The following PLA2G4F variants were observed in gnomAD, a reference collection of about 807,000 sequenced individuals.
The protein encoded by PLA2G4F is cytosolic phospholipase A2 zeta.
A neutral mutation model predicts 103.1 loss-of-function variants in PLA2G4F; 105 were observed. That is an observed-to-expected ratio of 1.02 (90% CI 0.87 to 1.20). The LOEUF is 1.20. Ranked by LOEUF, PLA2G4F falls within the 50% of genes most tolerant of loss-of-function variation. PLA2G4F has a pLI of 0.00. For synonymous variants in PLA2G4F, 468 were observed against 441.1 expected, an observed-to-expected ratio of 1.06 and a Z score of -0.76; for missense variants, 1,155 against 1,075.9, an observed-to-expected ratio of 1.07 and a Z score of -1.03.
rs763324735 is a variant in PLA2G4F, at chr15:42,145,761, C to T, written c.1672+5G>A. ...CCTGTCCCCAGCCCTCCAGCCTCGACTCACCTTGCAGGTAACAGATCCGGG... is the reference window on the plus strand; with the variant it reads ...CCTGTCCCCAGCCCTCCAGCCTCGATTCACCTTGCAGGTAACAGATCCGGG... On this transcript the variant is annotated splice_donor_5th_base_variant and intron_variant, in intron 15 of 19. Transcript: ENST00000397272. 2 of 1,614,102 alleles carry T rather than the reference C, an allele frequency of 1.2e-6. No homozygotes were observed. Among genetic ancestry groups the T allele is most frequent in the Non-Finnish European group, 1.7e-6 (2 of 1,180,014 alleles).
In PLA2G4F at chr15:42,150,692, G is replaced by A. The variant is rs201683192; in HGVS notation, c.687C>T (p.Leu229=). Residue 229 remains leucine (L), a synonymous_variant, in exon 8 of 20, where the codon CTC becomes CTT. Coordinates refer to ENST00000397272, the MANE Select transcript of PLA2G4F (RefSeq NM_213600.4). ...TCACGTGGAAGGTAAAGGTGGGTGG[G>A]AGGCCTGGCTCTGTGGGAGGCTGCA... ...LPLQPPTEPG[L]PPTFTFHVNP... The A allele has an allele frequency of 6.2e-7, 1 of 1,613,766 alleles. No homozygotes were observed. Among genetic ancestry groups the A allele is most frequent in the South Asian group, 1.1e-5 (1 of 90,932 alleles).
rs754750254 is a variant in PLA2G4F, at chr15:42,150,348, C to T, written c.885+25G>A. On this transcript the variant is annotated intron_variant, in intron 9 of 19. Coordinates refer to ENST00000397272, the MANE Select transcript of PLA2G4F (RefSeq NM_213600.4). ...GGTCACAGAGAGCAGGCAGGGGTCC[C>T]TCTGGCACCCAGACAGAGCCTTACC... is the stretch of plus-strand genomic sequence containing the variant. 26 of 1,587,084 alleles carry T rather than the reference C, an allele frequency of 1.6e-5. No individual in the cohort carries two copies. The Middle Eastern group carries it at 5.0e-4, about 31-fold the overall frequency.
intron 14 of PLA2G4F, 49 bp downstream of exon 14, chr15:42,146,078 C>T (rs752623713): frequency 1.2e-6 from 2 of 1,603,206 alleles, no homozygotes; most frequent in South Asian, 2.2e-5. Flanking sequence ...CTCTCACCTC[C>T]TCCTCCCCAC....
intron 4 of PLA2G4F, 83 bp from the exon 5 acceptor site, chr15:42,153,743 C>T: frequency 6.7e-7 from 1 of 1,489,534 alleles, no homozygotes; most frequent in Admixed American, 1.8e-5. Flanking sequence ...CCCTGCTTGG[C>T]TCCAGGGGCT....
rs535195853 is a variant in PLA2G4F at position 42,148,636 on chromosome 15, A to C, written c.1060-874T>G. 5 of 985,376 alleles carry C rather than the reference A, an allele frequency of 5.1e-6. No individual in the cohort carries two copies. In the East Asian group the frequency reaches 5.7e-4, roughly 112 times the overall value. 61.0% of individuals were successfully genotyped at this position (985,376 alleles called of 1,614,324 possible). A position where few individuals can be genotyped will look rare whatever the true frequency, so the allele number is the denominator to read the frequency against. ...TCCCCCGTTGAGCACCACCGAGCTA[A>C]AGTGACAAAGGCCAGCAAGCAGCCT... On this transcript the variant is annotated intron_variant, in intron 11 of 19. Transcript: ENST00000397272.
chr15:42,156,299 G>T, intron 1 of PLA2G4F, 140 bp downstream of exon 1: 1 of 617,240 alleles, frequency 1.6e-6, no homozygotes, highest in Non-Finnish European at 2.8e-6. Context: ...TCTAATTTAA[G>T]CTCTGCCAGG....
At position 42,147,839 on chromosome 15, in the gene PLA2G4F, A is replaced by G. The variant is rs149298459; in HGVS notation, c.1060-77T>C. 6.8e-5 allele frequency: 106 copies of G among 1,568,448 alleles called. No homozygotes were observed. The African/African-American group carries it at 1.3e-3, about 20-fold the overall frequency. Reference sequence around the variant, plus strand: ...GTATTACTGCCTATACATGTAGGACATTATTCTAAGAGTCTTACACGTATT... The same window carrying G: ...GTATTACTGCCTATACATGTAGGACGTTATTCTAAGAGTCTTACACGTATT... On this transcript the variant is annotated intron_variant, in intron 11 of 19. Transcript: ENST00000397272.
At chr15:42,151,249 G>A in intron 7 of PLA2G4F, 7 of 985,416 alleles carry the variant, frequency 7.1e-6, no homozygotes, top group Non-Finnish European at 8.4e-6. Context: ...AGAACGTTGG[G>A]AGAGGAAGGT....
rs2048823937 is a variant in PLA2G4F, at chr15:42,141,152, G to A, written c.*832C>T. ...ACACCCTCCTGCCCCACATACAGGT[G>A]CACACCTCTCCCCCGATGAACTGAT... is the stretch of plus-strand genomic sequence containing the variant. On this transcript the variant is annotated 3_prime_UTR_variant, in exon 20 of 20. Transcript: ENST00000397272. The A allele has an allele frequency of 6.8e-6, 3 of 441,608 alleles. No homozygotes were observed. The highest frequency in any genetic ancestry group is 4.8e-5 in the South Asian group (3 of 62,056). The allele number at this position is 441,608 out of a possible 1,614,324, so 27.4% of individuals were successfully genotyped here. A position where few individuals can be genotyped will look rare whatever the true frequency, so the allele number is the denominator to read the frequency against.
chr15:42,150,357 C>T lies in PLA2G4F; in HGVS notation c.885+16G>A. 1 of 1,593,966 alleles carries T rather than the reference C, an allele frequency of 6.3e-7. No homozygotes were observed. Among genetic ancestry groups the T allele is most frequent in the East Asian group, 2.2e-5 (1 of 44,508 alleles). On this transcript the variant is annotated intron_variant, in intron 9 of 19. Coordinates refer to ENST00000397272, the MANE Select transcript of PLA2G4F (RefSeq NM_213600.4). ...GAGCAGGCAGGGGTCCCTCTGGCAC[C>T]CAGACAGAGCCTTACCTCCCCCAGG...
In PLA2G4F at chr15:42,142,730, C is replaced by A. The variant is rs1379088761; in HGVS notation, c.2143-16G>T. The A allele has an allele frequency of 3.7e-6, 6 of 1,613,416 alleles. No homozygotes were observed. Among genetic ancestry groups the A allele is most frequent in the Admixed American group, 1.7e-5 (1 of 59,976 alleles). On this transcript the variant is annotated splice_polypyrimidine_tract_variant and intron_variant, in intron 18 of 19. Transcript: ENST00000397272. ...TCTTCAAGACCTGAGCAGGAGCAAG[C>A]CTCTGACTCTGCCTTTCCTCCACCC...
Position 42,145,632 on chromosome 15 carries a change from T to C in PLA2G4F, c.1723A>G (p.Thr575Ala), listed in dbSNP as rs1428251701. 6.2e-7 allele frequency: 1 copy of C among 1,613,838 alleles called. No homozygotes were observed. Among genetic ancestry groups the C allele is most frequent in the African/African-American group, 1.3e-5 (1 of 74,832 alleles). ...AGGAAGCTGAGGCCCGAGCCGGCGG[T>C]CTTTAGGAAGATCTCATCCAGGCTG... ...ATSLDEIFLK[T>A]AGSGLSFLEW... The change falls in exon 16 of 20, where the codon ACC becomes GCC. Residue 575 changes from threonine (T) to alanine (A), a missense_variant. Physicochemically the swap from Thr to Ala is moderately conservative, Grantham distance 58. Around this residue, in one of 3 missense-constraint regions of PLA2G4F, gnomAD observed 782 missense variants for 692.9 expected, o/e 1.13. Coordinates refer to ENST00000397272, the MANE Select transcript of PLA2G4F (RefSeq NM_213600.4).
intron 11 of PLA2G4F, chr15:42,149,054 C>T (rs978557235): frequency 2.7e-4 from 264 of 985,242 alleles, no homozygotes; most frequent in Non-Finnish European, 3.1e-4. Context: ...TCTCTCAGCA[C>T]GCCTTTCCTC....
At position 42,140,805 on chromosome 15, in the gene PLA2G4F, G is replaced by A. The variant is rs1449955315; in HGVS notation, c.*1179C>T. ...CCAAGAGGGAGCCCCTGGGACAGGG[G>A]GCAGAAGGAACAAGGTCTCAAGTGC... is the stretch of plus-strand genomic sequence containing the variant. On this transcript the variant is annotated 3_prime_UTR_variant, in exon 20 of 20. Transcript: ENST00000397272. 1 of 169,176 alleles carries A rather than the reference G, an allele frequency of 5.9e-6. No individual in the cohort carries two copies. The highest frequency in any genetic ancestry group is 1.3e-5 in the Non-Finnish European group (1 of 77,566). 10.5% of individuals were successfully genotyped at this position (169,176 alleles called of 1,614,324 possible). A position where few individuals can be genotyped will look rare whatever the true frequency, so the allele number is the denominator to read the frequency against.
intron 19 of PLA2G4F, 139 bp from the exon 20 acceptor site, chr15:42,142,343 AC>A: frequency 2.6e-6 from 3 of 1,149,228 alleles, no homozygotes; most frequent in Non-Finnish European, 3.6e-6. Flanking sequence ...CAGCTCTCAG[AC>A]CCCCCAGGAG....
rs776476819 is a variant in PLA2G4F, at chr15:42,147,119, C to T, written c.1419+5G>A. 6.2e-7 allele frequency: 1 copy of T among 1,610,972 alleles called. No homozygotes were observed. The highest frequency in any genetic ancestry group is 8.5e-7 in the Non-Finnish European group (1 of 1,179,036). On this transcript the variant is annotated splice_donor_5th_base_variant and intron_variant, in intron 13 of 19. Coordinates refer to ENST00000397272, the MANE Select transcript of PLA2G4F (RefSeq NM_213600.4). Reference sequence around the variant, plus strand: ...CTACGTATTTCCTTCTGGCTCTTCTCTCACCTCCTGGTACAGGAGATACTC... The same window carrying T: ...CTACGTATTTCCTTCTGGCTCTTCTTTCACCTCCTGGTACAGGAGATACTC...
Position 42,141,936 on chromosome 15 carries a change from T to C in PLA2G4F, c.*48A>G, listed in dbSNP as rs2048829659. On this transcript the variant is annotated 3_prime_UTR_variant, in exon 20 of 20. Coordinates refer to ENST00000397272, the MANE Select transcript of PLA2G4F (RefSeq NM_213600.4). ...CTCCTCCCTCTACAAGCCCTGACCA[T>C]GAGCAGTGTGTCTCCTCTCTGTCAC... 1 of 1,545,742 alleles carries C rather than the reference T, an allele frequency of 6.5e-7. No homozygotes were observed. The highest frequency in any genetic ancestry group is 1.1e-5 in the South Asian group (1 of 87,594).
At position 42,144,650 on chromosome 15, in the gene PLA2G4F, C is replaced by T. The variant is rs1356540801; in HGVS notation, c.1781-6G>A. On this transcript the variant is annotated splice_region_variant and splice_polypyrimidine_tract_variant and intron_variant, in intron 16 of 19. Transcript: ENST00000397272. ...CTGAGGCTTCTGGCAGTCGTCTAGA[C>T]AGGGGCGGGACAGTGAAATAGAGGG... is the stretch of plus-strand genomic sequence containing the variant. 16 of 1,583,180 alleles carry T rather than the reference C, an allele frequency of 1.0e-5. No individual in the cohort carries two copies. In the East Asian group the frequency reaches 2.9e-4, roughly 29 times the overall value.
chr15:42,142,789 C>A, intron 18 of PLA2G4F, 75 bp from the exon 19 acceptor site: 1 of 1,484,782 alleles, frequency 6.7e-7, no homozygotes, highest in Non-Finnish European at 9.3e-7. Flanking sequence ...TCACACACGC[C>A]CAGGCTTCAA....
Sources: allele counts gnomAD v4.1 joint callset, GRCh38; gene constraint gnomAD v4.1.1; regional missense constraint gnomAD v4.1.1; transcripts MANE v1.5; gene names NCBI Gene and HGNC (gene_info 2026-07-23, HGNC 2026-07-21).